The following IGSF5 variants were observed in gnomAD, a reference collection of about 807,000 sequenced individuals.
IGSF5 encodes the protein immunoglobulin superfamily member 5.
Under a neutral mutation model 39.4 loss-of-function variants are expected in IGSF5, and 41 were observed. The observed-to-expected ratio is 1.04, with a 90% CI of 0.81 to 1.35. The LOEUF (loss-of-function observed/expected upper bound fraction) is 1.35. Among genes scored for constraint, IGSF5 ranks in the 40% most tolerant of loss-of-function variants. IGSF5 has a pLI of 0.00. For missense variants in IGSF5, 487 were observed against 494.6 expected, an observed-to-expected ratio of 0.98 and a Z score of 0.15; for synonymous variants, 183 against 175.3, an observed-to-expected ratio of 1.04 and a Z score of -0.34.
At chr21:39,743,881 TAA>T (rs2079958885), upstream of IGSF5, among the ~76,000 whole-genome samples, 1 of 152,194 alleles carries the variant, frequency 6.6e-6, no homozygotes, top group Non-Finnish European at 1.5e-5. Flanking sequence ...CAGAAGAATA[TAA>T]GTCATTTCTT....
chr21:39,788,240 C>T (rs777230172), intron 6 of IGSF5, 52 bp downstream of exon 6: 5 of 1,332,724 alleles, frequency 3.8e-6, no homozygotes, highest in South Asian at 2.5e-5. Context: ...AAAAATTGAA[C>T]AACAACAATA....
At chr21:39,721,238 T>G in the IGSF5 span, among the ~76,000 whole-genome samples, 1 of 152,130 alleles carries the variant, frequency 6.6e-6, no homozygotes, top group Non-Finnish European at 1.5e-5. Flanking sequence ...GGCAATATCG[T>G]GAGATCTTTA....
the IGSF5 span, among the ~76,000 whole-genome samples, chr21:39,735,906 G>C: frequency 2.0e-5 from 3 of 152,122 alleles, no homozygotes; most frequent in Admixed American, 6.5e-5. Context: ...TATTAAATCA[G>C]ATCACTCCAC....
At chr21:39,742,339 G>A (rs993901980), upstream of IGSF5, among the ~76,000 whole-genome samples, 3 of 152,216 alleles carry the variant, frequency 2.0e-5, no homozygotes, top group Admixed American at 6.5e-5. Context: ...GTGACTGGCT[G>A]TCCTAGGACC....
At chr21:39,798,097 G>T (rs924500335) in intron 8 of IGSF5, among the ~76,000 whole-genome samples, 1 of 152,158 alleles carries the variant, frequency 6.6e-6, no homozygotes, top group Non-Finnish European at 1.5e-5. Flanking sequence ...CAGATTTATG[G>T]TCTTCACCTC....
chr21:39,788,298 A>T, intron 6 of IGSF5, 110 bp downstream of exon 6: 1 of 811,802 alleles, frequency 1.2e-6, no homozygotes, highest in Non-Finnish European at 2.0e-6. Flanking sequence ...GATTTATGTT[A>T]TCCAGAATTA....
chr21:39,796,890 A>G (rs1054516341), intron 8 of IGSF5, among the ~76,000 whole-genome samples: 1 of 152,240 alleles, frequency 6.6e-6, no homozygotes, highest in African/African-American at 2.4e-5. Context: ...CACAACAGCA[A>G]CTAAAGCTCC....
chr21:39,799,005 A>G (rs1400322166), intron 8 of IGSF5, among the ~76,000 whole-genome samples: 12 of 152,214 alleles, frequency 7.9e-5, no homozygotes, highest in Admixed American at 7.8e-4. Flanking sequence ...GCCAGGAGCT[A>G]CAGGCACAAT....
At chr21:39,747,091 C>T (rs187478763) in intron 2 of IGSF5, among the ~76,000 whole-genome samples, 1 of 152,308 alleles carries the variant, frequency 6.6e-6, no homozygotes, top group East Asian at 1.9e-4. Flanking sequence ...GTGAATTAGT[C>T]TGTTTTCACG....
the IGSF5 span, among the ~76,000 whole-genome samples, chr21:39,714,676 C>T: frequency 6.6e-6 from 1 of 152,086 alleles, no homozygotes; most frequent in Non-Finnish European, 1.5e-5. Context: ...GGGGTCTGTG[C>T]CTTCTTCTTC....
At position 39,769,491 on chromosome 21, in the gene IGSF5, A is replaced by G. The variant is rs1028840147; in HGVS notation, c.419-1425A>G. Among the ~76,000 whole-genome samples the G allele has an allele frequency of 1.1e-4, 15 of 140,726 alleles. No individual in the cohort carries two copies. The Middle Eastern group carries it at 0.011, about 103-fold the overall frequency. 92.3% of individuals were successfully genotyped at this position (140,726 alleles called of 152,430 possible). ...TCAAAAAAAAAAAAAAAAAAAAAAA[A>G]GAGAAAAGTAAGTTTTGGTACAGTA... On this transcript the variant is annotated intron_variant, in intron 3 of 8. Transcript: ENST00000380588.
Position 39,796,858 on chromosome 21 carries a change from C to T in IGSF5, c.1128+3245C>T, listed in dbSNP as rs564343239. On this transcript the variant is annotated intron_variant, in intron 8 of 8. Transcript: ENST00000380588. ...GAGCTAGTTGGGTCAGAAAAATGGC[C>T]TATCCATGGAGATGCGGCAGGCACA... is the stretch of plus-strand genomic sequence containing the variant. 2.6e-5 allele frequency among the ~76,000 whole-genome samples: 4 copies of T among 152,340 alleles called. No individual in the cohort carries two copies. In the East Asian group the frequency reaches 7.7e-4, roughly 29 times the overall value.
At chr21:39,741,523 G>T (rs958967003), upstream of IGSF5, among the ~76,000 whole-genome samples, 1 of 152,200 alleles carries the variant, frequency 6.6e-6, no homozygotes, top group African/African-American at 2.4e-5. Context: ...AAGAGCGCTT[G>T]GGTGGCTTGA....
intron 6 of IGSF5, among the ~76,000 whole-genome samples, chr21:39,790,877 A>G (rs1569259130): frequency 6.6e-6 from 1 of 152,260 alleles, no homozygotes; most frequent in Non-Finnish European, 1.5e-5. Context: ...AAGAAGCAGT[A>G]CAGTATAACA....
At chr21:39,741,454 G>C (rs1425313687), upstream of IGSF5, among the ~76,000 whole-genome samples, 1 of 152,192 alleles carries the variant, frequency 6.6e-6, no homozygotes, top group African/African-American at 2.4e-5. Flanking sequence ...TTAACCTGCT[G>C]TGAGCAGAGC....
At chr21:39,723,476 A>G in the IGSF5 span, among the ~76,000 whole-genome samples, 4 of 152,214 alleles carry the variant, frequency 2.6e-5, no homozygotes, top group Admixed American at 2.0e-4. Context: ...AGCAAGTCAG[A>G]AGTCCCAGCC....
chr21:39,801,174 T>C (rs1186664393), intron 8 of IGSF5, 88 bp from the exon 9 acceptor site: 1 of 908,642 alleles, frequency 1.1e-6, no homozygotes, highest in East Asian at 2.6e-5. Flanking sequence ...AATTTTATCT[T>C]AACAGATGAG....
chr21:39,768,602 C>G (rs2080098077), intron 3 of IGSF5, among the ~76,000 whole-genome samples: 1 of 152,208 alleles, frequency 6.6e-6, no homozygotes, highest in Non-Finnish European at 1.5e-5. Context: ...GCTGCAAGGA[C>G]TTGAGTTCAA....
At chr21:39,744,236 G>T (rs983339234), upstream of IGSF5, among the ~76,000 whole-genome samples, 4 of 141,264 alleles carry the variant, frequency 2.8e-5, no homozygotes, top group Non-Finnish European at 4.7e-5. Flanking sequence ...TTGCCTTTGC[G>T]CTCAGGAGTG....
Sources: allele counts gnomAD v4.1 joint callset (sites outside exome capture counted in the v4.1 genomes callset), GRCh38; gene constraint gnomAD v4.1.1; transcripts MANE v1.5; gene names NCBI Gene and HGNC (gene_info 2026-07-23, HGNC 2026-07-21).